Variants in SLIT3 observed in about 807,000 individuals in gnomAD.
SLIT3 encodes slit guidance ligand 3, also known as slit homolog 3 protein.
A neutral mutation model predicts 184.0 loss-of-function variants in SLIT3; 68 were observed. The observed-to-expected ratio is 0.37, with a 90% confidence interval of 0.30 to 0.45. SLIT3 has a LOEUF of 0.45. SLIT3 is among the 20% of genes least tolerant of loss of function. The pLI is 1.00. For missense variants in SLIT3, 1,707 were observed against 2,026.0 expected (o/e 0.84, Z 3.02); for synonymous variants, 831 against 828.6 (o/e 1.00, Z -0.05).
At chr5:169,011,500 G>A (rs1756151685) in intron 4 of SLIT3, among the ~76,000 whole-genome samples, 1 of 152,128 alleles carries the variant, frequency 6.6e-6, no homozygotes, top group African/African-American at 2.4e-5. Context: ...TGGATTTATG[G>A]AGGTGATTTA....
chr5:168,787,669 T>A (rs1157692361), intron 11 of SLIT3, among the ~76,000 whole-genome samples: 1 of 152,194 alleles, frequency 6.6e-6, no homozygotes, highest in Non-Finnish European at 1.5e-5. Flanking sequence ...ACCTCCCAGC[T>A]CCCTTGCATG....
chr5:169,245,414 A>G (rs1225837886), intron 2 of SLIT3, among the ~76,000 whole-genome samples: 1 of 152,180 alleles, frequency 6.6e-6, no homozygotes, highest in Non-Finnish European at 1.5e-5. Flanking sequence ...TGGTTCACGC[A>G]TAGAGTATAT....
chr5:169,056,405 A>G (rs1581359348), intron 4 of SLIT3, among the ~76,000 whole-genome samples: 1 of 152,280 alleles, frequency 6.6e-6, no homozygotes, highest in East Asian at 1.9e-4. Context: ...GTTTACGCAT[A>G]CTTACATGAC....
At chr5:169,222,327 A>C (rs1167313356) in intron 3 of SLIT3, among the ~76,000 whole-genome samples, 2 of 152,236 alleles carry the variant, frequency 1.3e-5, no homozygotes, top group Non-Finnish European at 2.9e-5. Context: ...AAAATCCATG[A>C]AAATACTATG....
intron 3 of SLIT3, among the ~76,000 whole-genome samples, chr5:169,233,003 T>C (rs1186427835): frequency 6.6e-6 from 1 of 152,150 alleles, no homozygotes; most frequent in African/African-American, 2.4e-5. Context: ...ATTAGACTTA[T>C]TCCTAGGCAC....
At chr5:169,168,587 A>T (rs1242909042) in intron 4 of SLIT3, among the ~76,000 whole-genome samples, 1 of 152,238 alleles carries the variant, frequency 6.6e-6, no homozygotes, top group African/African-American at 2.4e-5. Flanking sequence ...GTGTCACTAA[A>T]TCAAAAAGTA....
intron 4 of SLIT3, among the ~76,000 whole-genome samples, chr5:168,921,643 C>T (rs1761638600): frequency 6.6e-6 from 1 of 152,196 alleles, no homozygotes; most frequent in African/African-American, 2.4e-5. Context: ...GAAATGTACA[C>T]ATTTAATGCC....
chr5:168,859,954 T>A (rs765410767), intron 5 of SLIT3, among the ~76,000 whole-genome samples: 1 of 151,660 alleles, frequency 6.6e-6, no homozygotes, highest in African/African-American at 2.4e-5. Flanking sequence ...CCTACTTACT[T>A]ATCTATGATC....
intron 4 of SLIT3, among the ~76,000 whole-genome samples, chr5:169,003,187 A>G (rs1041860027): frequency 3.3e-5 from 5 of 152,228 alleles, no homozygotes; most frequent in African/African-American, 1.2e-4. Flanking sequence ...TAGAATACTC[A>G]GTGTGTCTGA....
At chr5:169,149,121 G>A (rs957175418) in intron 4 of SLIT3, among the ~76,000 whole-genome samples, 2 of 152,160 alleles carry the variant, frequency 1.3e-5, no homozygotes, top group African/African-American at 4.8e-5. Context: ...ATGGCCACAA[G>A]CTAGTCCGAT....
intron 4 of SLIT3, among the ~76,000 whole-genome samples, chr5:168,952,033 C>A (rs1053402055): frequency 6.6e-6 from 1 of 152,144 alleles, no homozygotes; most frequent in East Asian, 1.9e-4. Context: ...TGTCTTGAAT[C>A]TTCTAGAGTT....
chr5:168,674,743 C>T (rs959673132), intron 32 of SLIT3, among the ~76,000 whole-genome samples: 12 of 152,032 alleles, frequency 7.9e-5, no homozygotes, highest in East Asian at 1.9e-4. Flanking sequence ...CCACTTGCCT[C>T]GGCCTCCCAA....
At chr5:168,857,521 C>T (rs1027697633) in intron 5 of SLIT3, among the ~76,000 whole-genome samples, 5 of 152,114 alleles carry the variant, frequency 3.3e-5, no homozygotes, top group Admixed American at 1.3e-4. Context: ...ATTTCCCTAT[C>T]GGTAAAACAG....
chr5:168,902,381 G>A (rs531090950), intron 4 of SLIT3, among the ~76,000 whole-genome samples: 10 of 152,266 alleles, frequency 6.6e-5, no homozygotes, highest in African/African-American at 2.2e-4. Flanking sequence ...ACAGATAAGC[G>A]TTTATACTTT....
intron 4 of SLIT3, among the ~76,000 whole-genome samples, chr5:169,156,363 C>T (rs1380634831): frequency 2.6e-5 from 4 of 152,218 alleles, no homozygotes; most frequent in Non-Finnish European, 5.9e-5. Context: ...CTCTTTAATG[C>T]CCTTTATCAC....
At chr5:168,865,389 G>T (rs984339545) in intron 5 of SLIT3, among the ~76,000 whole-genome samples, 53 of 152,184 alleles carry the variant, frequency 3.5e-4, no homozygotes, top group African/African-American at 1.2e-3. Flanking sequence ...CCCATACTCT[G>T]GAATACTACT....
chr5:169,232,082 A>G (rs1483431231), intron 3 of SLIT3, among the ~76,000 whole-genome samples: 1 of 152,176 alleles, frequency 6.6e-6, no homozygotes, highest in Non-Finnish European at 1.5e-5. Flanking sequence ...ATGCACTGCC[A>G]ATATCTTCAC....
chr5:168,841,635 C>G (rs1758254980), intron 6 of SLIT3, among the ~76,000 whole-genome samples: 1 of 152,148 alleles, frequency 6.6e-6, no homozygotes, highest in Admixed American at 6.5e-5. Context: ...AGGCTCACCT[C>G]CAATGTTCTC....
chr5:168,991,226 T>C (rs142989162), intron 4 of SLIT3, among the ~76,000 whole-genome samples: 32 of 152,324 alleles, frequency 2.1e-4, no homozygotes, highest in African/African-American at 6.0e-4. Flanking sequence ...TTCATAAAGA[T>C]TGTCTCTTTT....
Sources: gnomAD v4.1 joint callset for allele counts (sites outside exome capture counted in the v4.1 genomes callset) on GRCh38, gnomAD v4.1.1 for gene constraint, MANE v1.5 for transcripts, NCBI Gene and HGNC (gene_info 2026-07-23, HGNC 2026-07-21) for gene names.